ZMYM2: variants seen among roughly 807,000 people sequenced by gnomAD.
The protein encoded by ZMYM2 is zinc finger MYM-type protein 2.
In ZMYM2, 56 loss-of-function variants were observed where a neutral mutation model predicts 162.8. That is an observed-to-expected ratio of 0.34 (90% CI 0.28 to 0.43). The LOEUF is 0.43. ZMYM2 is among the 20% of genes least tolerant of loss of function. The pLI, the probability that ZMYM2 is intolerant of heterozygous loss-of-function variation, is 1.00. For synonymous variants in ZMYM2, 510 were observed against 541.6 expected, an observed-to-expected ratio of 0.94 and a Z score of 0.81; for missense variants, 1,275 against 1,621.8, an observed-to-expected ratio of 0.79 and a Z score of 3.67.
At chr13:20,000,845 A>T (rs558892209) in intron 3 of ZMYM2, among the ~76,000 whole-genome samples, 2 of 152,240 alleles carry the variant, frequency 1.3e-5, no homozygotes, top group Non-Finnish European at 2.9e-5. Flanking sequence ...GTAAGGCTAT[A>T]ACTGCCATAG....
At chr13:20,029,495 G>A (rs1594454326) in intron 9 of ZMYM2, among the ~76,000 whole-genome samples, 1 of 151,274 alleles carries the variant, frequency 6.6e-6, no homozygotes, top group East Asian at 1.9e-4. Context: ...AACGCTAAGA[G>A]TAATGTTGGC....
the ZMYM2 span, among the ~76,000 whole-genome samples, chr13:19,878,264 G>T: frequency 6.6e-6 from 1 of 152,018 alleles, no homozygotes; most frequent in Admixed American, 6.6e-5. Flanking sequence ...TGTTGGCCAG[G>T]CTGGTCTCGA....
chr13:19,959,666 G>A (rs2139013742), intron 1 of ZMYM2, among the ~76,000 whole-genome samples: 1 of 152,278 alleles, frequency 6.6e-6, no homozygotes, highest in African/African-American at 2.4e-5. Flanking sequence ...TGGCGTCGAG[G>A]CAACGTTTTC....
chr13:19,964,042 T>C (rs1195257534), intron 2 of ZMYM2, among the ~76,000 whole-genome samples: 6 of 152,186 alleles, frequency 3.9e-5, no homozygotes, highest in Non-Finnish European at 8.8e-5. Flanking sequence ...TTGATTAATG[T>C]TCTGTAAATA....
intron 2 of ZMYM2, among the ~76,000 whole-genome samples, chr13:19,985,193 T>G (rs1949034365): frequency 6.6e-6 from 1 of 152,174 alleles, no homozygotes; most frequent in Non-Finnish European, 1.5e-5. Context: ...GCATGATCTC[T>G]GCTTACAGCA....
chr13:20,032,316 G>A (rs1020020494), intron 10 of ZMYM2, among the ~76,000 whole-genome samples: 4 of 151,924 alleles, frequency 2.6e-5, no homozygotes, highest in Admixed American at 2.0e-4. Context: ...TTCATAAGGG[G>A]GCAGTAATAG....
At chr13:20,001,517 G>GA (rs1950390611) in intron 3 of ZMYM2, among the ~76,000 whole-genome samples, 1 of 152,004 alleles carries the variant, frequency 6.6e-6, no homozygotes, top group East Asian at 1.9e-4. Context: ...TTCTTGAGAT[G>GA]AATCTATTCC....
chr13:19,995,433 CAG>C (rs1949947412), intron 3 of ZMYM2, among the ~76,000 whole-genome samples: 1 of 151,998 alleles, frequency 6.6e-6, no homozygotes, highest in Admixed American at 6.6e-5. Flanking sequence ...TGTTTATTGA[CAG>C]AGTCTTGCTG....
At chr13:20,001,517 G>A (rs748224765) in intron 3 of ZMYM2, among the ~76,000 whole-genome samples, 3 of 152,004 alleles carry the variant, frequency 2.0e-5, no homozygotes, top group Non-Finnish European at 4.4e-5. Flanking sequence ...TTCTTGAGAT[G>A]AATCTATTCC....
At chr13:19,918,718 C>T in the ZMYM2 span, among the ~76,000 whole-genome samples, 7 of 151,938 alleles carry the variant, frequency 4.6e-5, no homozygotes, top group South Asian at 2.1e-4. Context: ...AGGCTGGTCT[C>T]GAACTCCTGA....
the ZMYM2 span, among the ~76,000 whole-genome samples, chr13:19,884,682 T>C: frequency 1.3e-5 from 2 of 152,156 alleles, no homozygotes; most frequent in East Asian, 1.9e-4. Context: ...AAGTAGCACG[T>C]CCGGACTTCG....
intron 2 of ZMYM2, among the ~76,000 whole-genome samples, chr13:19,980,073 C>T (rs555563569): frequency 1.1e-4 from 17 of 151,362 alleles, no homozygotes; most frequent in African/African-American, 3.6e-4. Context: ...AATAAATGTT[C>T]GGTATTCTTG....
At chr13:20,043,987 A>G (rs1021912356) in intron 12 of ZMYM2, among the ~76,000 whole-genome samples, 6 of 152,118 alleles carry the variant, frequency 3.9e-5, no homozygotes, top group Admixed American at 3.3e-4. Context: ...ACCTGAAAGC[A>G]GGTACTTTCA....
intron 10 of ZMYM2, among the ~76,000 whole-genome samples, chr13:20,032,265 A>G (rs932242583): frequency 1.3e-5 from 2 of 152,076 alleles, no homozygotes; most frequent in Non-Finnish European, 2.9e-5. Context: ...ATTTGCTTTG[A>G]CATGTCTCCA....
At chr13:20,000,026 C>G (rs1416516669) in intron 3 of ZMYM2, among the ~76,000 whole-genome samples, 1 of 152,136 alleles carries the variant, frequency 6.6e-6, no homozygotes, top group African/African-American at 2.4e-5. Context: ...TGCTCTCAAA[C>G]TGCTCAAGCA....
At chr13:20,015,379 TC>T (rs1951536975) in intron 6 of ZMYM2, among the ~76,000 whole-genome samples, 3 of 152,238 alleles carry the variant, frequency 2.0e-5, no homozygotes, top group Admixed American at 1.3e-4. Context: ...CTAACATAGT[TC>T]ATTCTGGAAA....
chr13:19,890,787 T>C, the ZMYM2 span, among the ~76,000 whole-genome samples: 2 of 151,176 alleles, frequency 1.3e-5, no homozygotes, highest in Non-Finnish European at 2.9e-5. Context: ...CAGGAGAATG[T>C]CGTGAACCCG....
intron 21 of ZMYM2, among the ~76,000 whole-genome samples, chr13:20,076,012 C>A (rs1225656669): frequency 7.1e-6 from 1 of 141,328 alleles, no homozygotes; most frequent in African/African-American, 3.2e-5. Flanking sequence ...TTTCTTTAAT[C>A]TCCCCACCTT....
chr13:20,036,231 TAAC>T (rs1953685829), intron 11 of ZMYM2, among the ~76,000 whole-genome samples: 1 of 150,852 alleles, frequency 6.6e-6, no homozygotes. Context: ...AAGGACTAGA[TAAC>T]AAAAGTATTT....
Sources: allele counts gnomAD v4.1 joint callset (sites outside exome capture counted in the v4.1 genomes callset), GRCh38; gene constraint gnomAD v4.1.1; transcripts MANE v1.5; gene names NCBI Gene and HGNC (gene_info 2026-07-23, HGNC 2026-07-21).